SLC35F2: variants seen among roughly 807,000 people sequenced by gnomAD.
SLC35F2 encodes the protein solute carrier family 35 member F2.
In SLC35F2, 25 loss-of-function variants were observed where a neutral mutation model predicts 38.1. The observed-to-expected ratio is 0.66, with a 90% CI of 0.48 to 0.92. The LOEUF (loss-of-function observed/expected upper bound fraction) is 0.92. SLC35F2 is among the 40% of genes least tolerant of loss of function. The pLI, the probability that SLC35F2 is intolerant of heterozygous loss-of-function variation, is 0.00. For missense variants in SLC35F2, 409 were observed against 452.9 expected (o/e 0.90, Z 0.88); for synonymous variants, 173 against 181.7 (o/e 0.95, Z 0.38).
At chr11:107,838,408 T>A (rs1367187325) in intron 1 of SLC35F2, among the ~76,000 whole-genome samples, 1 of 152,116 alleles carries the variant, frequency 6.6e-6, no homozygotes, top group Non-Finnish European at 1.5e-5. Flanking sequence ...CACTGCAACC[T>A]CCACCTCCTG....
At chr11:107,839,459 T>G (rs1859983065) in intron 1 of SLC35F2, among the ~76,000 whole-genome samples, 1 of 151,996 alleles carries the variant, frequency 6.6e-6, no homozygotes. Flanking sequence ...AGACACCGTT[T>G]CAAAAAAAGA....
chr11:107,794,957 G>A (rs1591182505), intron 7 of SLC35F2, among the ~76,000 whole-genome samples: 1 of 152,032 alleles, frequency 6.6e-6, no homozygotes. Context: ...ATTTACAACA[G>A]CTACACAAAA....
At chr11:107,852,174 T>TTGG (rs1860197821) in intron 1 of SLC35F2, among the ~76,000 whole-genome samples, 1 of 152,092 alleles carries the variant, frequency 6.6e-6, no homozygotes, top group South Asian at 2.1e-4. Context: ...TCCCAGCACT[T>TTGG]TGGGAGGCCA....
chr11:107,831,175 T>C (rs57429831), intron 1 of SLC35F2, among the ~76,000 whole-genome samples: 6,883 of 152,016 alleles, frequency 0.045, 277 homozygotes, highest in African/African-American at 0.11. Flanking sequence ...CTGGAACAAG[T>C]AGGAACAAAT....
chr11:107,856,063 C>A (rs1860274457), intron 1 of SLC35F2, among the ~76,000 whole-genome samples: 2 of 149,168 alleles, frequency 1.3e-5, no homozygotes, highest in Non-Finnish European at 3.0e-5. Flanking sequence ...CATGATCGTG[C>A]CGCTGCACTC....
Position 107,791,812 on chromosome 11 carries a change from A to C in SLC35F2, c.*803T>G, listed in dbSNP as rs771531716. On this transcript the variant is annotated 3_prime_UTR_variant, in exon 8 of 8. Transcript: ENST00000525815. ...GATCACTTGAGGTCGGGAGGTCAAG[A>C]CCAGCCTGGGCAACATGGTGAAACC... 6.6e-6 allele frequency: 1 copy of C among 152,152 alleles called. No individual in the cohort carries two copies. The highest frequency in any genetic ancestry group is 1.5e-5 in the Non-Finnish European group (1 of 68,078). 9.4% of individuals were successfully genotyped at this position (152,152 alleles called of 1,614,324 possible).
At chr11:107,844,095 AG>A (rs1401835950) in intron 1 of SLC35F2, among the ~76,000 whole-genome samples, 1 of 151,900 alleles carries the variant, frequency 6.6e-6, no homozygotes, top group Non-Finnish European at 1.5e-5. Context: ...GAACAGGCCT[AG>A]GGATAGACTG....
chr11:107,815,734 T>C lies in SLC35F2; in HGVS notation c.286+56A>G, dbSNP rs559310578. ...AGAATTTAGAGGTGTCATACTTTTC[T>C]AGTAATTTTTATGAAGATAATTTTG... is the stretch of plus-strand genomic sequence containing the variant. On this transcript the variant is annotated intron_variant, in intron 2 of 7. Transcript: ENST00000525815. 2.5e-5 allele frequency: 38 copies of C among 1,534,612 alleles called. No homozygotes were observed. In the African/African-American group the frequency reaches 4.3e-4, roughly 17 times the overall value.
At chr11:107,809,120 C>T (rs934332724) in intron 3 of SLC35F2, among the ~76,000 whole-genome samples, 23 of 151,972 alleles carry the variant, frequency 1.5e-4, no homozygotes, top group African/African-American at 4.6e-4. Context: ...AGTTTCCCTC[C>T]GACTCTAACA....
chr11:107,810,564 A>C (rs1172586375), intron 3 of SLC35F2: 3 of 985,208 alleles, frequency 3.0e-6, no homozygotes, highest in Non-Finnish European at 3.6e-6. Flanking sequence ...TTCATTCTCT[A>C]GGTAACTGCT....
At chr11:107,831,513 C>T (rs1283523371) in intron 1 of SLC35F2, among the ~76,000 whole-genome samples, 1 of 152,180 alleles carries the variant, frequency 6.6e-6, no homozygotes, top group African/African-American at 2.4e-5. Context: ...ACGTGCACCA[C>T]CACACCCAAC....
chr11:107,841,316 A>G (rs1860009523), intron 1 of SLC35F2, among the ~76,000 whole-genome samples: 1 of 152,220 alleles, frequency 6.6e-6, no homozygotes, highest in Non-Finnish European at 1.5e-5. Context: ...TAATCCCAGC[A>G]CTTTGGGAGG....
intron 7 of SLC35F2, among the ~76,000 whole-genome samples, chr11:107,797,805 C>T (rs560750195): frequency 6.6e-6 from 1 of 151,514 alleles, no homozygotes; most frequent in Non-Finnish European, 1.5e-5. Flanking sequence ...ATAATAATGT[C>T]AAGCTAAGCA....
rs559272788 is a variant in SLC35F2, at chr11:107,834,822, A to G, written c.111-18857T>C. Among the ~76,000 whole-genome samples the G allele has an allele frequency of 3.9e-5, 6 of 152,200 alleles. 1 individual carries two copies. The highest frequency in any genetic ancestry group is 1.2e-4 in the African/African-American group (5 of 41,450). On this transcript the variant is annotated intron_variant, in intron 1 of 7. Transcript: ENST00000525815. ...TATTTTTCCATACATTTTATAATACATAACATATTGCATGACTACAGATTC... is the reference window on the plus strand; with the variant it reads ...TATTTTTCCATACATTTTATAATACGTAACATATTGCATGACTACAGATTC...
intron 7 of SLC35F2, among the ~76,000 whole-genome samples, chr11:107,794,034 A>C (rs951016129): frequency 3.3e-5 from 5 of 152,140 alleles, no homozygotes; most frequent in Admixed American, 2.6e-4. Flanking sequence ...TCTTGAGTTG[A>C]AAATCCATAC....
At chr11:107,854,930 C>T (rs1860253507) in intron 1 of SLC35F2, among the ~76,000 whole-genome samples, 3 of 152,204 alleles carry the variant, frequency 2.0e-5, no homozygotes, top group Admixed American at 2.0e-4. Flanking sequence ...TCTTTCTACA[C>T]TCTCCCACCC....
chr11:107,809,329 C>CAAAAAAAAAAAAAAAAAAAAAAAAA, intron 3 of SLC35F2, among the ~76,000 whole-genome samples: 1 of 96,120 alleles, frequency 1.0e-5, no homozygotes, highest in Non-Finnish European at 2.2e-5. Flanking sequence ...ACTCAAAATA[C>CAAAAAAAAAAAAAAAAAAAAAAAAA]AAAAAAAAAA....
At chr11:107,821,303 G>T in intron 1 of SLC35F2, 1 of 701,280 alleles carries the variant, frequency 1.4e-6, no homozygotes, top group Non-Finnish European at 1.8e-6. Context: ...TAAGCAAGCT[G>T]TCCTCCAACT....
intron 3 of SLC35F2, among the ~76,000 whole-genome samples, chr11:107,809,329 C>CAAAAAAAAAAAAAAAAAAAAAAAA (rs61511493): frequency 1.0e-5 from 1 of 96,120 alleles, no homozygotes; most frequent in Non-Finnish European, 2.2e-5. Context: ...ACTCAAAATA[C>CAAAAAAAAAAAAAAAAAAAAAAAA]AAAAAAAAAA....
Sources: allele counts gnomAD v4.1 joint callset (sites outside exome capture counted in the v4.1 genomes callset), GRCh38; gene constraint gnomAD v4.1.1; transcripts MANE v1.5; gene names NCBI Gene and HGNC (gene_info 2026-07-23, HGNC 2026-07-21).